ADAMTS17: variants seen among roughly 807,000 people sequenced by gnomAD.
ADAMTS17 encodes the protein ADAM metallopeptidase with thrombospondin type 1 motif 17, also known as A disintegrin and metalloproteinase with thrombospondin motifs 17.
In ADAMTS17, 113 loss-of-function variants were observed where a neutral mutation model predicts 141.5. The observed-to-expected ratio is 0.80, with a 90% CI of 0.69 to 0.93. The LOEUF is 0.93. Ranked by LOEUF, ADAMTS17 falls within the 40% of genes least tolerant of loss-of-function variation. ADAMTS17 has a pLI of 0.00. For synonymous variants in ADAMTS17, 768 were observed against 630.6 expected (o/e 1.22, Z -3.27); for missense variants, 1,659 against 1,517.9 (o/e 1.09, Z -1.54).
At chr15:100,274,859 T>C (rs2044027216) in intron 4 of ADAMTS17, among the ~76,000 whole-genome samples, 1 of 152,202 alleles carries the variant, frequency 6.6e-6, no homozygotes, top group Non-Finnish European at 1.5e-5. Context: ...TCATTTGCTT[T>C]TGTATGTATT....
rs142365431 is a variant in ADAMTS17 at position 100,248,331 on chromosome 15, C to T, written c.1075+5805G>A. On this transcript the variant is annotated intron_variant, in intron 7 of 21. Transcript: ENST00000268070. ...CACGGGTAGGAGAAAACCAATGCTC[C>T]ACATCCACTGAGCAACACTCAGACA... Among the ~76,000 whole-genome samples the T allele has an allele frequency of 1.4e-3, 216 of 152,332 alleles. 1 individual carries two copies. The highest frequency in any genetic ancestry group is 4.4e-3 in the African/African-American group (183 of 41,572).
intron 3 of ADAMTS17, among the ~76,000 whole-genome samples, chr15:100,283,578 C>G (rs896632056): frequency 6.6e-6 from 1 of 152,198 alleles, no homozygotes; most frequent in East Asian, 1.9e-4. Flanking sequence ...TAATCCATTT[C>G]TTTGAGTCAC....
At chr15:100,132,383 T>C (rs750858753) in intron 11 of ADAMTS17, among the ~76,000 whole-genome samples, 6 of 152,270 alleles carry the variant, frequency 3.9e-5, no homozygotes, top group Non-Finnish European at 8.8e-5. Context: ...TTCAGATGGA[T>C]GTGCTCCATG....
chr15:99,975,628 A>G (rs554976212), intron 21 of ADAMTS17, among the ~76,000 whole-genome samples: 1 of 152,084 alleles, frequency 6.6e-6, no homozygotes, highest in African/African-American at 2.4e-5. Flanking sequence ...AGCCCCTCCA[A>G]CCACGCCTGT....
intron 7 of ADAMTS17, among the ~76,000 whole-genome samples, chr15:100,213,942 CTT>C (rs1371615608): frequency 6.6e-6 from 1 of 152,222 alleles, no homozygotes; most frequent in Non-Finnish European, 1.5e-5. Context: ...CATGGTAGCT[CTT>C]TTTTTCTCCT....
At chr15:100,187,521 G>C (rs572440210) in intron 8 of ADAMTS17, among the ~76,000 whole-genome samples, 1 of 152,334 alleles carries the variant, frequency 6.6e-6, no homozygotes, top group South Asian at 2.1e-4. Context: ...GCAGCAAGAA[G>C]TGATCTGGTT....
chr15:100,047,834 G>A (rs952942101), intron 18 of ADAMTS17, among the ~76,000 whole-genome samples: 1 of 152,132 alleles, frequency 6.6e-6, no homozygotes, highest in African/African-American at 2.4e-5. Flanking sequence ...ATAGGTTCGT[G>A]GTACAGCTGC....
At chr15:100,103,657 C>A (rs1412048731) in intron 14 of ADAMTS17, among the ~76,000 whole-genome samples, 1 of 152,030 alleles carries the variant, frequency 6.6e-6, no homozygotes, top group South Asian at 2.1e-4. Context: ...TGGCTCACTG[C>A]AACCTCCACT....
At chr15:100,299,783 C>A (rs1466504544) in intron 3 of ADAMTS17, among the ~76,000 whole-genome samples, 2 of 152,126 alleles carry the variant, frequency 1.3e-5, no homozygotes, top group South Asian at 2.1e-4. Flanking sequence ...GTGTGACTAG[C>A]AACCCACACT....
intron 3 of ADAMTS17, among the ~76,000 whole-genome samples, chr15:100,324,734 C>T (rs761099843): frequency 2.6e-5 from 4 of 152,162 alleles, no homozygotes; most frequent in Non-Finnish European, 5.9e-5. Context: ...TGACTTAATA[C>T]AGAAAAAGGG....
intron 8 of ADAMTS17, among the ~76,000 whole-genome samples, chr15:100,180,968 A>G (rs530399928): frequency 4.3e-4 from 65 of 152,296 alleles, no homozygotes; most frequent in Non-Finnish European, 7.1e-4. Context: ...ACTGGAGTCA[A>G]AACCTTAGAA....
intron 7 of ADAMTS17, among the ~76,000 whole-genome samples, chr15:100,247,289 C>A (rs576667593): frequency 6.6e-6 from 1 of 152,138 alleles, no homozygotes. Flanking sequence ...GATAGGAGAG[C>A]CCCAAGAAGC....
intron 10 of ADAMTS17, among the ~76,000 whole-genome samples, chr15:100,139,272 T>G (rs1263616066): frequency 6.6e-6 from 1 of 152,226 alleles, no homozygotes; most frequent in Non-Finnish European, 1.5e-5. Context: ...CAGTTTTATG[T>G]ACATAAGCCT....
At chr15:100,190,206 T>C (rs2040866643) in intron 8 of ADAMTS17, among the ~76,000 whole-genome samples, 1 of 152,192 alleles carries the variant, frequency 6.6e-6, no homozygotes, top group Admixed American at 6.5e-5. Context: ...AGAAAGGCCA[T>C]TCCCAGATCC....
chr15:100,157,443 G>A (rs199662010), intron 8 of ADAMTS17, among the ~76,000 whole-genome samples: 13 of 152,040 alleles, frequency 8.6e-5, no homozygotes, highest in Non-Finnish European at 2.9e-5. Flanking sequence ...TTGCTTAATT[G>A]CTCAAGTGAC....
intron 16 of ADAMTS17, 42 bp from the exon 17 acceptor site, chr15:100,051,773 G>A (rs2032167099): frequency 1.2e-6 from 2 of 1,613,540 alleles, no homozygotes; most frequent in Middle Eastern, 1.7e-4. Flanking sequence ...GAAAAGGAAG[G>A]AAGGCCCGTG....
At chr15:100,011,148 A>T (rs558621352) in intron 18 of ADAMTS17, among the ~76,000 whole-genome samples, 25 of 150,768 alleles carry the variant, frequency 1.7e-4, no homozygotes, top group African/African-American at 5.9e-4. Context: ...TCAGTTAATT[A>T]GTTCAACCCC....
In ADAMTS17 at chr15:100,118,658, G is replaced by A. The variant is rs543847487; in HGVS notation, c.1722-1645C>T. Among the ~76,000 whole-genome samples, 17 of 152,314 alleles carry A rather than the reference G, an allele frequency of 1.1e-4. No individual in the cohort carries two copies. The East Asian group carries it at 2.9e-3, about 26-fold the overall frequency. ...CTCGGACAGCCTCCCCAGGCAGCCT[G>A]GGCCAGGTACCATTGGCAGACAGAA... is the stretch of plus-strand genomic sequence containing the variant. On this transcript the variant is annotated intron_variant, in intron 12 of 21. Coordinates refer to ENST00000268070, the MANE Select transcript of ADAMTS17 (RefSeq NM_139057.4).
chr15:100,047,578 G>A (rs1402838378), intron 18 of ADAMTS17, among the ~76,000 whole-genome samples: 2 of 151,894 alleles, frequency 1.3e-5, no homozygotes, highest in East Asian at 3.9e-4. Context: ...GACTATTGGG[G>A]GCAGGTTCCC....
Sources: allele counts gnomAD v4.1 joint callset (sites outside exome capture counted in the v4.1 genomes callset), GRCh38; gene constraint gnomAD v4.1.1; transcripts MANE v1.5; gene names NCBI Gene and HGNC (gene_info 2026-07-23, HGNC 2026-07-21).